LRRC7: variants seen among roughly 807,000 people sequenced by gnomAD.
The protein encoded by LRRC7 is leucine rich repeat containing 7.
Under a neutral mutation model 175.7 loss-of-function variants are expected in LRRC7, and 23 were observed. That is an observed-to-expected ratio of 0.13 (90% CI 0.09 to 0.19). LRRC7 has a LOEUF of 0.19. Among genes scored for constraint, LRRC7 ranks in the 10% least tolerant of loss-of-function variants. LRRC7 has a pLI of 1.00. For synonymous variants in LRRC7, 685 were observed against 680.9 expected (o/e 1.01, Z -0.09); for missense variants, 1,354 against 1,904.7 (o/e 0.71, Z 5.38).
At position 69,994,512 on chromosome 1, in the gene LRRC7, C is replaced by G. The variant is rs1423400548; in HGVS notation, c.932-49C>G. On this transcript the variant is annotated intron_variant, in intron 10 of 26. Transcript: ENST00000651989. ...TGTGATTTCTTTTATATCACATTTC[C>G]TGTCATAATCTGCTCTTATGTATTA... The G allele has an allele frequency of 2.4e-6, 3 of 1,227,176 alleles. No individual in the cohort carries two copies. In the African/African-American group the frequency reaches 4.5e-5, roughly 18 times the overall value. The allele number at this position is 1,227,176 out of a possible 1,614,324, so 76.0% of individuals were successfully genotyped here.
intron 8 of LRRC7, among the ~76,000 whole-genome samples, chr1:69,970,659 T>C (rs1049724114): frequency 6.6e-6 from 1 of 151,866 alleles, no homozygotes; most frequent in Non-Finnish European, 1.5e-5. Context: ...CAAAAAGAAG[T>C]CCAGGACCAG....
chr1:70,021,359 A>T (rs1657476392), intron 16 of LRRC7: 3 of 361,770 alleles, frequency 8.3e-6, no homozygotes, highest in Non-Finnish European at 1.6e-5. Context: ...CAACAGAATA[A>T]CTGCATGAGA....
chr1:70,087,499 AAAT>A (rs1663702737), intron 24 of LRRC7, among the ~76,000 whole-genome samples: 1 of 152,172 alleles, frequency 6.6e-6, no homozygotes, highest in Admixed American at 6.5e-5. Flanking sequence ...TCTAATTAAT[AAAT>A]AATAACAAAG....
chr1:70,039,766 A>G lies in LRRC7; in HGVS notation c.3942A>G (p.Arg1314=). The change falls in exon 21 of 27, where the codon AGA becomes AGG. Residue 1314 remains arginine, a synonymous_variant. Transcript: ENST00000651989. ...CAGACTGGAGACAACAGCTGCTTAG[A>G]CATATAGAAGCTAGACGGTTAGACA... is the stretch of plus-strand genomic sequence containing the variant. ...MPADWRQQLL[R]HIEARRLDRN... is the part of the protein sequence containing the mutation. The G allele has an allele frequency of 6.2e-7, 1 of 1,607,264 alleles. No homozygotes were observed. The highest frequency in any genetic ancestry group is 8.5e-7 in the Non-Finnish European group (1 of 1,177,436).
intron 1 of LRRC7, among the ~76,000 whole-genome samples, chr1:69,650,553 A>AAAAAAAAAAAAAAAAAAAAAAAC (rs1200791292): frequency 6.6e-6 from 1 of 151,094 alleles, no homozygotes; most frequent in Non-Finnish European, 1.5e-5. Flanking sequence ...AAAAAAAAAA[A>AAAAAAAAAAAAAAAAAAAAAAAC]ATGCCAAGCA....
intron 7 of LRRC7, among the ~76,000 whole-genome samples, chr1:69,884,506 C>A (rs180798937): frequency 1.5e-5 from 2 of 133,596 alleles, no homozygotes; most frequent in African/African-American, 3.2e-5. Context: ...CACCTTAAGG[C>A]GATTTTGGGC....
At chr1:69,783,478 C>T (rs576446917) in intron 3 of LRRC7, among the ~76,000 whole-genome samples, 14 of 152,094 alleles carry the variant, frequency 9.2e-5, no homozygotes, top group African/African-American at 2.4e-4. Context: ...TCCTGGAGGC[C>T]GGGCGCAGTG....
At chr1:69,701,759 T>G (rs1370879388) in intron 2 of LRRC7, among the ~76,000 whole-genome samples, 1 of 152,216 alleles carries the variant, frequency 6.6e-6, no homozygotes, top group African/African-American at 2.4e-5. Context: ...TCTGGTTTTA[T>G]TAAATTATAG....
intron 2 of LRRC7, among the ~76,000 whole-genome samples, chr1:69,690,105 A>C (rs968857115): frequency 1.3e-5 from 2 of 152,198 alleles, no homozygotes; most frequent in African/African-American, 4.8e-5. Context: ...TGGAAGGTCC[A>C]TAGCTTTGCT....
chr1:69,632,304 T>C (rs1652638415), intron 1 of LRRC7, among the ~76,000 whole-genome samples: 2 of 152,176 alleles, frequency 1.3e-5, no homozygotes, highest in South Asian at 4.1e-4. Context: ...TATGTGAGGA[T>C]AGGACACAGT....
At chr1:70,117,267 T>C (rs17131217) in intron 26 of LRRC7, among the ~76,000 whole-genome samples, 12,749 of 152,250 alleles carry the variant, frequency 0.084, 643 homozygotes, top group South Asian at 0.18. Context: ...CTTTGGATAA[T>C]AAGAATGCAA....
chr1:70,088,406 A>C (rs1663771279), intron 24 of LRRC7, among the ~76,000 whole-genome samples: 1 of 151,960 alleles, frequency 6.6e-6, no homozygotes, highest in African/African-American at 2.4e-5. Context: ...AAAGAAACAA[A>C]CTGAAATTAT....
chr1:69,817,685 T>A (rs987214882), intron 4 of LRRC7, among the ~76,000 whole-genome samples: 1 of 152,152 alleles, frequency 6.6e-6, no homozygotes, highest in Non-Finnish European at 1.5e-5. Flanking sequence ...GGGATTTTGA[T>A]AGGAATTGCA....
At chr1:69,675,803 C>T (rs1341441674) in intron 1 of LRRC7, among the ~76,000 whole-genome samples, 1 of 152,052 alleles carries the variant, frequency 6.6e-6, no homozygotes, top group Admixed American at 6.6e-5. Flanking sequence ...CCCACACGCA[C>T]ACATATAATG....
At chr1:69,810,788 A>T (rs1677748922) in intron 4 of LRRC7, among the ~76,000 whole-genome samples, 1 of 152,218 alleles carries the variant, frequency 6.6e-6, no homozygotes. Context: ...CAGATTAAAG[A>T]CTTAAATATA....
At chr1:70,106,521 C>T (rs374092386) in intron 25 of LRRC7, among the ~76,000 whole-genome samples, 1 of 151,974 alleles carries the variant, frequency 6.6e-6, no homozygotes, top group Non-Finnish European at 1.5e-5. Context: ...AGATATATAC[C>T]ACATTTTGTT....
rs570721175 is a variant in LRRC7, at chr1:70,126,168, C to G, written c.*4281C>G. On this transcript the variant is annotated 3_prime_UTR_variant, in exon 27 of 27. Coordinates refer to ENST00000651989, the MANE Select transcript of LRRC7 (RefSeq NM_001370785.2). ...ATCAAGAGGCAAGAATACAACATAACCAGGTCAAAAGCCATACTGAAATAG... is the reference window on the plus strand; with the variant it reads ...ATCAAGAGGCAAGAATACAACATAAGCAGGTCAAAAGCCATACTGAAATAG... Among the ~76,000 whole-genome samples, 1 of 152,182 alleles carries G rather than the reference C, an allele frequency of 6.6e-6. No individual in the cohort carries two copies. Among genetic ancestry groups the G allele is most frequent in the East Asian group, 1.9e-4 (1 of 5,170 alleles).
chr1:69,929,388 G>C (rs1647197213), intron 7 of LRRC7, among the ~76,000 whole-genome samples: 1 of 152,080 alleles, frequency 6.6e-6, no homozygotes, highest in Non-Finnish European at 1.5e-5. Flanking sequence ...CCAAAACCCT[G>C]CTCCACTTGG....
At chr1:69,908,266 G>A (rs1210220935) in intron 7 of LRRC7, among the ~76,000 whole-genome samples, 1 of 152,122 alleles carries the variant, frequency 6.6e-6, no homozygotes, top group East Asian at 1.9e-4. Flanking sequence ...ATCTCCTTCA[G>A]TTCTGCTCTG....
Sources: allele counts gnomAD v4.1 joint callset (sites outside exome capture counted in the v4.1 genomes callset), GRCh38; gene constraint gnomAD v4.1.1; transcripts MANE v1.5; gene names NCBI Gene and HGNC (gene_info 2026-07-23, HGNC 2026-07-21).